Variants in CEP192 observed in about 807,000 individuals in gnomAD.
CEP192 encodes centrosomal protein of 192 kDa.
CEP192 carries 151 observed loss-of-function variants against 271.8 expected under a neutral mutation model. The ratio of observed to expected loss-of-function variants is 0.56; its 90% CI spans 0.49 to 0.64. CEP192 has a LOEUF of 0.64. Among genes scored for constraint, CEP192 ranks in the 30% least tolerant of loss-of-function variants. The pLI, the probability that CEP192 is intolerant of heterozygous loss-of-function variation, is 0.00. For missense variants in CEP192, 2,910 were observed against 3,020.5 expected (o/e 0.96, Z 0.86); for synonymous variants, 995 against 1,076.5 (o/e 0.92, Z 1.48).
chr18:13,007,937 C>T (rs2034084985), intron 3 of CEP192, among the ~76,000 whole-genome samples: 1 of 152,146 alleles, frequency 6.6e-6, no homozygotes, highest in Non-Finnish European at 1.5e-5. Flanking sequence ...GACCCAAGAG[C>T]TTTTGGAGTA....
At chr18:13,035,682 G>A (rs1369291606) in intron 11 of CEP192, among the ~76,000 whole-genome samples, 1 of 152,072 alleles carries the variant, frequency 6.6e-6, no homozygotes, top group Non-Finnish European at 1.5e-5. Flanking sequence ...GATTTGGTTG[G>A]TTGCTCCTTT....
intron 35 of CEP192, 81 bp from the exon 36 acceptor site, chr18:13,096,103 G>A: frequency 7.0e-7 from 1 of 1,421,870 alleles, no homozygotes; most frequent in Non-Finnish European, 9.8e-7. Flanking sequence ...TCTATTTAGG[G>A]TTCTGGTTTA....
intron 34 of CEP192, among the ~76,000 whole-genome samples, chr18:13,094,820 C>T (rs1488639056): frequency 7.6e-6 from 1 of 132,374 alleles, no homozygotes; most frequent in Non-Finnish European, 1.6e-5. Flanking sequence ...TCTAATCTAA[C>T]ACCACAGTGC....
At chr18:13,064,552 C>T (rs1355123946) in intron 21 of CEP192, among the ~76,000 whole-genome samples, 1 of 147,730 alleles carries the variant, frequency 6.8e-6, no homozygotes, top group Non-Finnish European at 1.5e-5. Flanking sequence ...GCGGAGCTTG[C>T]AGTGAGCCGA....
intron 30 of CEP192, among the ~76,000 whole-genome samples, chr18:13,077,769 G>A (rs1166736060): frequency 2.0e-5 from 3 of 152,094 alleles, no homozygotes; most frequent in African/African-American, 7.2e-5. Flanking sequence ...TATAAATACA[G>A]TTTTCCCCAA....
intron 44 of CEP192, among the ~76,000 whole-genome samples, chr18:13,121,513 G>A (rs2040658558): frequency 6.6e-6 from 1 of 152,120 alleles, no homozygotes; most frequent in Non-Finnish European, 1.5e-5. Context: ...TGCAGAGGTG[G>A]GTGAACACGA....
chr18:13,033,693 A>G (rs1367087265), intron 11 of CEP192, among the ~76,000 whole-genome samples: 1 of 152,256 alleles, frequency 6.6e-6, no homozygotes, highest in Non-Finnish European at 1.5e-5. Context: ...ATTAAGGTGC[A>G]TCCATACAAG....
chr18:13,096,830 G>A (rs1233591768), intron 36 of CEP192, among the ~76,000 whole-genome samples: 1 of 152,152 alleles, frequency 6.6e-6, no homozygotes, highest in East Asian at 1.9e-4. Flanking sequence ...AGGACAGAAG[G>A]AAGTCTTTTG....
intron 36 of CEP192, among the ~76,000 whole-genome samples, chr18:13,098,173 C>T (rs566531609): frequency 2.2e-4 from 33 of 152,348 alleles, no homozygotes; most frequent in Middle Eastern, 3.4e-3. Flanking sequence ...ACCTCCCAGA[C>T]GGGGTGGTGG....
In CEP192 at chr18:13,105,034, A is replaced by T. The variant is rs186486890; in HGVS notation, c.7002A>T (p.Arg2334Ser). Residue 2334 changes from arginine to serine, a missense_variant, in exon 40 of 45, where the codon AGA (arginine) becomes AGT (serine). Physicochemically the swap from Arg to Ser is moderately radical, Grantham distance 110. Transcript: ENST00000506447. ...TTAGAGCTACCTATGCAGCATTCAGATGTTCTCCTATTTCTGGTCTGCTGG... is the reference window on the plus strand; with the variant it reads ...TTAGAGCTACCTATGCAGCATTCAGTTGTTCTCCTATTTCTGGTCTGCTGG... ...DVFRATYAAF[R>S]CSPISGLLES... 3 of 1,614,184 alleles carry T rather than the reference A, an allele frequency of 1.9e-6. No homozygotes were observed. The African/African-American group carries it at 4.0e-5, about 22-fold the overall frequency.
At chr18:13,078,706 A>T (rs758698791) in intron 30 of CEP192, among the ~76,000 whole-genome samples, 1 of 152,120 alleles carries the variant, frequency 6.6e-6, no homozygotes, top group Non-Finnish European at 1.5e-5. Context: ...ACATATGTAT[A>T]CATGTGCCTT....
chr18:13,024,102 T>C (rs139173804), intron 9 of CEP192, among the ~76,000 whole-genome samples: 7 of 152,354 alleles, frequency 4.6e-5, no homozygotes, highest in East Asian at 1.9e-4. Context: ...TCACCAGTTA[T>C]GATAGTTGGT....
Position 13,013,661 on chromosome 18 carries a change from C to T in CEP192, c.519+636C>T, listed in dbSNP as rs116102259. Among the ~76,000 whole-genome samples the T allele has an allele frequency of 9.9e-3, 1,513 of 152,180 alleles. 20 individuals carry two copies. The highest frequency in any genetic ancestry group is 0.035 in the African/African-American group (1,438 of 41,514). ...GATAGAGGAATGCAAGTGACAACCC[C>T]ACTGGACCACCTGAAGTATAAAGGA... On this transcript the variant is annotated intron_variant, in intron 5 of 44. Transcript: ENST00000506447.
intron 6 of CEP192, 94 bp downstream of exon 6, chr18:13,015,542 T>G: frequency 8.1e-7 from 1 of 1,232,018 alleles, no homozygotes; most frequent in Non-Finnish European, 1.1e-6. Context: ...ACTTTTTGGG[T>G]TTTTTGTCCT....
chr18:13,109,425 G>A (rs1346336424), intron 40 of CEP192, among the ~76,000 whole-genome samples: 1 of 152,052 alleles, frequency 6.6e-6, no homozygotes, highest in East Asian at 1.9e-4. Context: ...ATTAACTATT[G>A]GGTACTATGC....
chr18:13,077,187 G>A (rs2038336638), intron 30 of CEP192, among the ~76,000 whole-genome samples: 1 of 152,188 alleles, frequency 6.6e-6, no homozygotes, highest in South Asian at 2.1e-4. Context: ...TAACAACTCG[G>A]AATAAGTTAT....
chr18:13,030,040 G>A (rs1327407069), intron 10 of CEP192, 38 bp downstream of exon 10: 4 of 1,379,298 alleles, frequency 2.9e-6, no homozygotes, highest in Non-Finnish European at 4.0e-6. Context: ...GAAAGAAATA[G>A]ATGTTCATAC....
rs2039480137 is a variant in CEP192, at chr18:13,097,819, A to G, written c.6557+1512A>G. On this transcript the variant is annotated intron_variant, in intron 36 of 44. Transcript: ENST00000506447. ...TTCCGCAGTGTTTGTGTCCCTGGGT[A>G]CTTGAGATTAGGGAGTGGCGATGAC... Among the ~76,000 whole-genome samples the G allele has an allele frequency of 4.0e-5, 6 of 151,774 alleles. No homozygotes were observed. The South Asian group carries it at 1.3e-3, about 32-fold the overall frequency.
intron 9 of CEP192, among the ~76,000 whole-genome samples, chr18:13,020,444 T>A (rs1455374006): frequency 6.6e-6 from 1 of 152,248 alleles, no homozygotes; most frequent in Non-Finnish European, 1.5e-5. Flanking sequence ...AATGTTCTAT[T>A]ATATATACCA....
Sources: allele counts gnomAD v4.1 joint callset (sites outside exome capture counted in the v4.1 genomes callset), GRCh38; gene constraint gnomAD v4.1.1; transcripts MANE v1.5; gene names NCBI Gene and HGNC (gene_info 2026-07-23, HGNC 2026-07-21).